Variants in RASGRF1 observed in about 807,000 individuals in gnomAD.
RASGRF1 encodes ras-specific guanine nucleotide-releasing factor 1.
In RASGRF1, 40 loss-of-function variants were observed where a neutral mutation model predicts 138.7. The ratio of observed to expected loss-of-function variants is 0.29; its 90% confidence interval spans 0.22 to 0.38. The LOEUF (loss-of-function observed/expected upper bound fraction) is 0.38, where lower values mean the gene tolerates loss of function less well. Ranked by LOEUF, RASGRF1 falls within the 10% of genes least tolerant of loss-of-function variation. RASGRF1 has a pLI of 1.00. For missense variants in RASGRF1, 1,108 were observed against 1,650.4 expected (o/e 0.67, Z 5.69); for synonymous variants, 614 against 663.2 (o/e 0.93, Z 1.14).
At chr15:79,075,048 G>A (rs1345139480) in intron 1 of RASGRF1, among the ~76,000 whole-genome samples, 1 of 152,202 alleles carries the variant, frequency 6.6e-6, no homozygotes, top group East Asian at 1.9e-4. Context: ...CCTGAGGCTT[G>A]ACCTGGGTTG....
intron 2 of RASGRF1, among the ~76,000 whole-genome samples, chr15:79,059,382 C>T (rs2057562527): frequency 1.8e-4 from 11 of 60,662 alleles, no homozygotes; most frequent in African/African-American, 4.7e-4. Flanking sequence ...TCCTTCCCTT[C>T]CCTTCCCTTC....
chr15:79,090,105 G>A lies in RASGRF1; in HGVS notation c.276+118C>T, dbSNP rs148811711. On this transcript the variant is annotated intron_variant, in intron 1 of 26. Coordinates refer to ENST00000558480, the MANE Select transcript of RASGRF1 (RefSeq NM_001145648.3). ...CCCTCTCGCTGAGGGTGCAGAGAGC[G>A]CCTAGGGCGCCAAGAGTAGAGGGGC... The A allele has an allele frequency of 8.8e-3, 11,803 of 1,343,484 alleles. 76 individuals carry two copies. Among genetic ancestry groups the A allele is most frequent in the Non-Finnish European group, 0.01 (10,199 of 1,016,128 alleles). 83.2% of individuals were successfully genotyped at this position (1,343,484 alleles called of 1,614,324 possible). A position where few individuals can be genotyped will look rare whatever the true frequency, so the allele number is the denominator to read the frequency against.
At chr15:78,978,229 T>TTG (rs1567435822) in intron 24 of RASGRF1, among the ~76,000 whole-genome samples, 3 of 30,142 alleles carry the variant, frequency 1.0e-4, no homozygotes, top group Non-Finnish European at 1.9e-4. Flanking sequence ...TGTTTTTTTT[T>TTG]TTTTTTTTTT....
intron 10 of RASGRF1, among the ~76,000 whole-genome samples, chr15:79,020,857 G>C (rs922122226): frequency 3.3e-5 from 5 of 152,320 alleles, no homozygotes; most frequent in African/African-American, 9.6e-5. Context: ...TCTTGAGTGT[G>C]AGCTGGACTT....
chr15:78,985,111 A>G lies in RASGRF1; in HGVS notation c.3310T>C (p.Cys1104Arg), dbSNP rs1348681397. ...IEKWVAVADI[C>R]RCLHNYNAVL... ...GCATTGTAGTTGTGGAGGCAGCGGC[A>G]TATGTCAGCTACGGCCACCCACTTC... The change falls in exon 23 of 27, where the codon TGC becomes CGC. Residue 1104 changes from cysteine to arginine, a missense_variant. By Grantham distance (180) the Cys-to-Arg change is radical. Transcript: ENST00000558480. 6.2e-7 allele frequency: 1 copy of G among 1,612,832 alleles called. No individual in the cohort carries two copies. The highest frequency in any genetic ancestry group is 1.1e-5 in the South Asian group (1 of 91,030).
chr15:78,984,934 C>T (rs2056116291), intron 23 of RASGRF1, 73 bp downstream of exon 23: 1 of 1,511,650 alleles, frequency 6.6e-7, no homozygotes, highest in Non-Finnish European at 9.1e-7. Flanking sequence ...GCCCAGTGGC[C>T]AGCCCACGGG....
At chr15:79,011,877 G>T (rs1411645778) in intron 13 of RASGRF1, among the ~76,000 whole-genome samples, 1 of 152,138 alleles carries the variant, frequency 6.6e-6, no homozygotes, top group African/African-American at 2.4e-5. Context: ...TTAGCCAGGT[G>T]TGGTGGTGCA....
chr15:79,048,223 G>A (rs1356680923), intron 4 of RASGRF1, among the ~76,000 whole-genome samples: 1 of 152,182 alleles, frequency 6.6e-6, no homozygotes, highest in Non-Finnish European at 1.5e-5. Context: ...TGCCTGTGGG[G>A]CCCTGGCAGT....
intron 1 of RASGRF1, 71 bp downstream of exon 1, chr15:79,090,152 C>A: frequency 6.8e-7 from 1 of 1,467,358 alleles, no homozygotes; most frequent in Non-Finnish European, 9.0e-7. Flanking sequence ...CGCCATCAGC[C>A]AGCCGAAGGC....
At chr15:79,012,222 A>G (rs1257173403) in intron 13 of RASGRF1, among the ~76,000 whole-genome samples, 1 of 151,930 alleles carries the variant, frequency 6.6e-6, no homozygotes, top group South Asian at 2.1e-4. Context: ...CTCCGAACCT[A>G]TGTTCATGCT....
At chr15:79,038,407 T>A (rs2057251350) in intron 5 of RASGRF1, among the ~76,000 whole-genome samples, 1 of 152,236 alleles carries the variant, frequency 6.6e-6, no homozygotes, top group African/African-American at 2.4e-5. Context: ...TTTCTAAGGT[T>A]AAATTTAAAG....
In RASGRF1 at chr15:79,046,390, G is replaced by A. The variant is rs1211281101; in HGVS notation, c.878+356C>T. On this transcript the variant is annotated intron_variant, in intron 5 of 26. Transcript: ENST00000558480. This position sits in a 1 kb window ranked among gnomAD's most constrained non-coding sequence, Gnocchi z 5.3. Reference sequence around the variant, plus strand: ...TGGGGAACTGTCCTGCATATTGTAGGATATTTAGCAGCACCTCTGGCCTCT... The same window carrying A: ...TGGGGAACTGTCCTGCATATTGTAGAATATTTAGCAGCACCTCTGGCCTCT... Among the ~76,000 whole-genome samples the A allele has an allele frequency of 6.6e-6, 1 of 152,226 alleles. No individual in the cohort carries two copies. Among genetic ancestry groups the A allele is most frequent in the Non-Finnish European group, 1.5e-5 (1 of 68,040 alleles).
intron 20 of RASGRF1, among the ~76,000 whole-genome samples, chr15:78,993,998 T>A (rs3784531): frequency 0.41 from 61,985 of 152,074 alleles, 13,011 homozygotes; most frequent in African/African-American, 0.43. Context: ...CCACACAGGC[T>A]CTGGGGACAA....
At chr15:78,980,125 A>G (rs1596319209) in intron 24 of RASGRF1, 1 of 152,744 alleles carries the variant, frequency 6.5e-6, no homozygotes, top group African/African-American at 2.4e-5. Context: ...ATGTCTAGGC[A>G]AGTGCTTTAC....
At position 78,973,695 on chromosome 15, in the gene RASGRF1, G is replaced by A. The variant is rs2055817283; in HGVS notation, c.3495-275C>T. On this transcript the variant is annotated intron_variant, in intron 24 of 26. Transcript: ENST00000558480. The surrounding 1 kb of genome is among the most constrained non-coding windows in gnomAD (Gnocchi z 4.9). ...CTCAGATTGTCTCTTTCCTCCCTGA[G>A]CCAGAAGGTCCTCCCCTACCTCTCT... Among the ~76,000 whole-genome samples the A allele has an allele frequency of 6.6e-6, 1 of 152,062 alleles. No individual in the cohort carries two copies. The highest frequency in any genetic ancestry group is 2.4e-5 in the African/African-American group (1 of 41,382).
intron 3 of RASGRF1, among the ~76,000 whole-genome samples, chr15:79,055,387 GGACAGAGAGAGAAACAGAGAGAGAGAGA>G (rs1260942608): frequency 6.6e-6 from 1 of 152,058 alleles, no homozygotes; most frequent in Non-Finnish European, 1.5e-5. Flanking sequence ...TATATCAGGG[GGACAGAGAGAGAAACAGAGAGAGAGAGA>G]GACAGAGAGA....
At chr15:79,063,319 G>A in intron 2 of RASGRF1, among the ~76,000 whole-genome samples, 1 of 152,160 alleles carries the variant, frequency 6.6e-6, no homozygotes, top group Non-Finnish European at 1.5e-5. Context: ...ACTAGAGATG[G>A]CCTTATCTCA....
intron 1 of RASGRF1, among the ~76,000 whole-genome samples, chr15:79,066,616 C>T (rs1293019578): frequency 6.6e-6 from 1 of 152,216 alleles, no homozygotes; most frequent in East Asian, 1.9e-4. Flanking sequence ...ATGGGCTTGG[C>T]TGAGGCCTTT....
intron 23 of RASGRF1, chr15:78,984,787 C>T: frequency 1.7e-6 from 1 of 581,080 alleles, no homozygotes; most frequent in South Asian, 2.0e-5. Flanking sequence ...GTATTAATTA[C>T]TCAAGTGGGG....
Sources: allele counts gnomAD v4.1 joint callset (sites outside exome capture counted in the v4.1 genomes callset), GRCh38; gene constraint gnomAD v4.1.1; non-coding constraint Gnocchi (gnomAD v3.1); transcripts MANE v1.5; gene names NCBI Gene and HGNC (gene_info 2026-07-23, HGNC 2026-07-21).